BPHL: variants seen among roughly 807,000 people sequenced by gnomAD.
BPHL encodes the protein serine hydrolase BPHL.
A neutral mutation model predicts 31.2 loss-of-function variants in BPHL; 27 were observed. The observed-to-expected ratio is 0.87, with a 90% CI of 0.64 to 1.19. The LOEUF is 1.19. Ranked by LOEUF, BPHL falls within the 50% of genes most tolerant of loss-of-function variation. The pLI is 0.00. For missense variants in BPHL, 356 were observed against 375.7 expected (o/e 0.95, Z 0.43); for synonymous variants, 150 against 146.8 (o/e 1.02, Z -0.16).
chr6:3,140,481 T>C lies in BPHL; in HGVS notation c.760T>C (p.Phe254Leu), dbSNP rs748510456. Residue 254 changes from phenylalanine (F) to leucine (L), a missense_variant, in exon 6 of 7, where the codon TTC becomes CTC. Physicochemically the swap from Phe to Leu is conservative, Grantham distance 22 (BLOSUM62 0). Coordinates refer to ENST00000380379, the MANE Select transcript of BPHL (RefSeq NM_004332.4). This position sits in a 1 kb window ranked among gnomAD's most constrained non-coding sequence, Gnocchi z 5.2. ...DPLVPRFHAD[F>L]IHKHVKGSRL... Reference sequence around the variant, plus strand: ...TCTGGTCCCACGGTTTCATGCCGACTTCATTCATAAGCACGTGAAAGGCTC... The same window carrying C: ...TCTGGTCCCACGGTTTCATGCCGACCTCATTCATAAGCACGTGAAAGGCTC... 5.0e-6 allele frequency: 8 copies of C among 1,614,132 alleles called. No homozygotes were observed. Among genetic ancestry groups the C allele is most frequent in the Admixed American group, 3.3e-5 (2 of 60,012 alleles).
chr6:3,135,519 G>A (rs138770886), intron 4 of BPHL, among the ~76,000 whole-genome samples: 164 of 152,182 alleles, frequency 1.1e-3, no homozygotes, highest in African/African-American at 3.6e-3. Context: ...AATACATTGC[G>A]TTTTTGTTTA....
chr6:3,119,158 C>A, intron 1 of BPHL: 1 of 861,942 alleles, frequency 1.2e-6, no homozygotes, highest in Non-Finnish European at 1.8e-6. Flanking sequence ...GATACATTTG[C>A]CTGTAGTATG....
At chr6:3,120,290 C>T (rs1179797006) in intron 1 of BPHL, among the ~76,000 whole-genome samples, 1 of 152,174 alleles carries the variant, frequency 6.6e-6, no homozygotes, top group Non-Finnish European at 1.5e-5. Context: ...CTGCCTCAGC[C>T]TCCCAAAGTG....
chr6:3,132,794 G>GCACT (rs2113757830), intron 4 of BPHL, among the ~76,000 whole-genome samples: 1 of 152,270 alleles, frequency 6.6e-6, no homozygotes, highest in South Asian at 2.1e-4. Context: ...TTACACCACT[G>GCACT]CACTGTAGCT....
intron 6 of BPHL, among the ~76,000 whole-genome samples, chr6:3,142,562 A>G (rs989136502): frequency 6.6e-6 from 1 of 152,240 alleles, no homozygotes; most frequent in Non-Finnish European, 1.5e-5. Context: ...CATATTTATG[A>G]AAAATATTAT....
At position 3,136,947 on chromosome 6, in the gene BPHL, T is replaced by C. The variant is rs993131292; in HGVS notation, c.533-415T>C. 7.9e-5 allele frequency among the ~76,000 whole-genome samples: 12 copies of C among 152,362 alleles called. No homozygotes were observed. In the South Asian group the frequency reaches 2.5e-3, roughly 32 times the overall value. On this transcript the variant is annotated intron_variant, in intron 4 of 6. Transcript: ENST00000380379. ...TGCAATGCAGAAAAAAACTCCTCTT[T>C]TGCAAACATTGTCGCTCTTCCTCAG...
At chr6:3,130,383 C>T (rs1375449961) in intron 4 of BPHL, among the ~76,000 whole-genome samples, 2 of 152,204 alleles carry the variant, frequency 1.3e-5, no homozygotes, top group Non-Finnish European at 1.5e-5. Flanking sequence ...CAGCAAGCTG[C>T]CCCATTGAGA....
intron 3 of BPHL, 28 bp downstream of exon 3, chr6:3,127,436 A>T: frequency 2.7e-6 from 4 of 1,503,360 alleles, no homozygotes; most frequent in Non-Finnish European, 3.6e-6. Context: ...GGGCCAGGGG[A>T]GGAAGGGTGG....
chr6:3,125,066 T>G (rs1761678829), intron 2 of BPHL, among the ~76,000 whole-genome samples: 1 of 149,288 alleles, frequency 6.7e-6, no homozygotes, highest in African/African-American at 2.6e-5. Context: ...TTTTTTTTTT[T>G]GAGAGGGAGT....
At position 3,140,115 on chromosome 6, in the gene BPHL, CCTA is replaced by C; in HGVS notation, c.665-267_665-265del. ...AGTGGTGGGGTGTTTATTTGATTTTCCTACTATTTTATGCGAATTTAAATCAGG... is the reference window on the plus strand; with the variant it reads ...AGTGGTGGGGTGTTTATTTGATTTTCCTATTTTATGCGAATTTAAATCAGG... On this transcript the variant is annotated intron_variant, in intron 5 of 6. Transcript: ENST00000380379. The surrounding 1 kb of genome is among the most constrained non-coding windows in gnomAD (Gnocchi z 5.2). 4.4e-6 allele frequency: 2 copies of C among 455,958 alleles called. No individual in the cohort carries two copies. The highest frequency in any genetic ancestry group is 7.9e-6 in the Non-Finnish European group (2 of 253,582). The allele number at this position is 455,958 out of a possible 1,614,324, so 28.2% of individuals were successfully genotyped here.
intron 6 of BPHL, among the ~76,000 whole-genome samples, chr6:3,151,532 C>T (rs568811062): frequency 1.3e-5 from 2 of 152,262 alleles, no homozygotes; most frequent in South Asian, 4.1e-4. Context: ...CACAGTTCCT[C>T]CCTCGCACCT....
rs77109081 is a variant in BPHL, at chr6:3,140,760, G to T, written c.788+251G>T. ...TCTTACTTTCATGAGTGGCAAACAT[G>T]CTCATAGGTGCTAAGCCCTGTCACT... On this transcript the variant is annotated intron_variant, in intron 6 of 6. Transcript: ENST00000380379. The surrounding 1 kb of genome is among the most constrained non-coding windows in gnomAD (Gnocchi z 5.2). 1.3e-5 allele frequency among the ~76,000 whole-genome samples: 2 copies of T among 152,206 alleles called. No individual in the cohort carries two copies. The highest frequency in any genetic ancestry group is 2.1e-4 in the South Asian group (1 of 4,830).
At chr6:3,130,731 A>G (rs924569200) in intron 4 of BPHL, among the ~76,000 whole-genome samples, 1 of 152,250 alleles carries the variant, frequency 6.6e-6, no homozygotes, top group Non-Finnish European at 1.5e-5. Flanking sequence ...CTTCGCTAGA[A>G]TATCACAAGT....
chr6:3,146,445 T>TGGGTCGGAGTGCTGGTTC (rs1762367200), intron 6 of BPHL, among the ~76,000 whole-genome samples: 3 of 113,494 alleles, frequency 2.6e-5, no homozygotes, highest in Admixed American at 1.7e-4. Flanking sequence ...AGTGCTGGTT[T>TGGGTCGGAGTGCTGGTTC]GGGTCGGAGT....
At chr6:3,133,387 G>A (rs1761927606) in intron 4 of BPHL, among the ~76,000 whole-genome samples, 1 of 152,144 alleles carries the variant, frequency 6.6e-6, no homozygotes, top group African/African-American at 2.4e-5. Flanking sequence ...TGCCTTCCAT[G>A]ATGCTCTGAT....
intron 6 of BPHL, among the ~76,000 whole-genome samples, chr6:3,151,731 T>G (rs1219164240): frequency 6.6e-6 from 1 of 152,206 alleles, no homozygotes. Flanking sequence ...AGCTAATAAG[T>G]CAAATGTAGA....
intron 4 of BPHL, among the ~76,000 whole-genome samples, chr6:3,133,216 G>T (rs758134137): frequency 5.3e-5 from 8 of 149,896 alleles, no homozygotes; most frequent in African/African-American, 7.6e-5. Flanking sequence ...CCACACTGCG[G>T]CCTGCAGCTC....
intron 4 of BPHL, among the ~76,000 whole-genome samples, chr6:3,136,602 T>G (rs1476895597): frequency 6.6e-6 from 1 of 152,246 alleles, no homozygotes; most frequent in Non-Finnish European, 1.5e-5. Context: ...CTGTAGAGAT[T>G]GTTGCTCATG....
intron 4 of BPHL, among the ~76,000 whole-genome samples, chr6:3,132,721 A>G (rs1312292330): frequency 6.6e-6 from 1 of 152,006 alleles, no homozygotes; most frequent in African/African-American, 2.4e-5. Context: ...AGTCCCAGCC[A>G]TTTGGGAGGC....
Sources: allele counts gnomAD v4.1 joint callset (sites outside exome capture counted in the v4.1 genomes callset), GRCh38; gene constraint gnomAD v4.1.1; non-coding constraint Gnocchi (gnomAD v3.1); transcripts MANE v1.5; gene names NCBI Gene and HGNC (gene_info 2026-07-23, HGNC 2026-07-21).